The following ZBTB20 variants were observed in gnomAD, a reference collection of about 807,000 sequenced individuals.
ZBTB20 encodes the protein zinc finger and BTB domain containing 20.
ZBTB20 carries 9 observed loss-of-function variants against 56.9 expected under a neutral mutation model. The ratio of observed to expected loss-of-function variants is 0.16; its 90% CI spans 0.10 to 0.28. ZBTB20 has a LOEUF of 0.28. Ranked by LOEUF, ZBTB20 falls within the 10% of genes least tolerant of loss-of-function variation. The probability of loss-of-function intolerance (pLI) is 1.00; values close to 1 mark genes in which losing one functional copy is unlikely to be tolerated. For missense variants in ZBTB20, 655 were observed against 1,003.0 expected (o/e 0.65, Z 4.69); for synonymous variants, 417 against 420.7 (o/e 0.99, Z 0.11).
intron 2 of ZBTB20, among the ~76,000 whole-genome samples, chr3:115,069,776 T>C (rs2082339630): frequency 6.6e-6 from 1 of 151,998 alleles, no homozygotes; most frequent in East Asian, 1.9e-4. Flanking sequence ...ATAATGATGA[T>C]GGCTAACTTT....
At chr3:115,072,585 G>A (rs750891745) in intron 1 of ZBTB20, among the ~76,000 whole-genome samples, 3 of 152,136 alleles carry the variant, frequency 2.0e-5, no homozygotes, top group African/African-American at 4.8e-5. Context: ...AAGCTGCCTT[G>A]GATATCCATG....
chr3:114,551,177 G>A (rs913984363), intron 6 of ZBTB20, among the ~76,000 whole-genome samples: 2 of 152,010 alleles, frequency 1.3e-5, no homozygotes, highest in Non-Finnish European at 2.9e-5. Context: ...AAATATATTC[G>A]ATTGAATATA....
chr3:115,139,468 T>C (rs1251151323), intron 1 of ZBTB20, among the ~76,000 whole-genome samples: 2 of 152,064 alleles, frequency 1.3e-5, no homozygotes, highest in Non-Finnish European at 2.9e-5. Context: ...ACAGATTCTT[T>C]CCTAGTCAGA....
intron 3 of ZBTB20, among the ~76,000 whole-genome samples, chr3:114,942,453 CAT>C (rs1254609499): frequency 2.1e-5 from 3 of 145,310 alleles, no homozygotes; most frequent in Non-Finnish European, 4.4e-5. Context: ...GTATAAAACA[CAT>C]ATGGAAAAGG....
At chr3:114,373,125 A>G (rs2083229062) in intron 10 of ZBTB20, among the ~76,000 whole-genome samples, 1 of 152,116 alleles carries the variant, frequency 6.6e-6, no homozygotes, top group Non-Finnish European at 1.5e-5. Context: ...CCATTTGGCC[A>G]GGATGGTCTC....
At chr3:114,942,554 TAAG>T (rs1331253764) in intron 3 of ZBTB20, among the ~76,000 whole-genome samples, 2 of 145,602 alleles carry the variant, frequency 1.4e-5, no homozygotes, top group Non-Finnish European at 3.0e-5. Flanking sequence ...ATTAGCATCA[TAAG>T]AAGAACTCCA....
chr3:115,101,266 A>AAAT (rs2083573829), intron 1 of ZBTB20, among the ~76,000 whole-genome samples: 2 of 152,240 alleles, frequency 1.3e-5, no homozygotes, highest in Non-Finnish European at 2.9e-5. Flanking sequence ...TAGGAGGGAA[A>AAAT]AATAAAAATA....
chr3:114,801,305 CTTTTTTT>C (rs1271102943), intron 4 of ZBTB20, 131 bp from the exon 5 acceptor site: 1 of 55,328 alleles, frequency 1.8e-5, no homozygotes, highest in South Asian at 5.3e-4. Flanking sequence ...TTCTTTTTTT[CTTTTTTT>C]TTTTTTTTTC....
At chr3:115,020,734 A>C (rs1319302641) in intron 2 of ZBTB20, among the ~76,000 whole-genome samples, 2 of 151,022 alleles carry the variant, frequency 1.3e-5, no homozygotes, top group African/African-American at 4.8e-5. Context: ...AACATATTGT[A>C]CATATACTCT....
At chr3:114,777,934 T>A (rs1263589769) in intron 5 of ZBTB20, among the ~76,000 whole-genome samples, 2 of 151,952 alleles carry the variant, frequency 1.3e-5, no homozygotes, top group East Asian at 3.9e-4. Flanking sequence ...GATGAGTTCA[T>A]GTCCTTTGTA....
At chr3:114,413,734 C>A (rs564270325) in intron 7 of ZBTB20, among the ~76,000 whole-genome samples, 102 of 152,236 alleles carry the variant, frequency 6.7e-4, no homozygotes, top group Non-Finnish European at 1.2e-3. Context: ...TATTATGCCA[C>A]TCCTTCTCTG....
intron 4 of ZBTB20, among the ~76,000 whole-genome samples, chr3:114,866,952 T>C (rs1019105607): frequency 6.6e-6 from 1 of 152,212 alleles, no homozygotes; most frequent in Non-Finnish European, 1.5e-5. Context: ...ATCTCTTCTA[T>C]ACAGGTATAC....
chr3:114,837,639 CA>C (rs764802230), intron 4 of ZBTB20, among the ~76,000 whole-genome samples: 7 of 152,014 alleles, frequency 4.6e-5, no homozygotes, highest in Non-Finnish European at 1.0e-4. Context: ...TCAGGGAGAG[CA>C]ATCCGGGAGA....
intron 1 of ZBTB20, among the ~76,000 whole-genome samples, chr3:115,112,131 T>C (rs1353539279): frequency 6.6e-6 from 1 of 151,762 alleles, no homozygotes; most frequent in African/African-American, 2.4e-5. Context: ...CATGTTTGGG[T>C]GTGTATTTTC....
chr3:114,663,128 C>A (rs2060836568), intron 6 of ZBTB20, among the ~76,000 whole-genome samples: 1 of 148,614 alleles, frequency 6.7e-6, no homozygotes, highest in South Asian at 2.2e-4. Flanking sequence ...ATGTTAAGGG[C>A]AGCCAGAGAG....
intron 1 of ZBTB20, among the ~76,000 whole-genome samples, chr3:115,079,202 C>T (rs753547208): frequency 2.5e-4 from 38 of 152,142 alleles, no homozygotes; most frequent in Non-Finnish European, 5.3e-4. Context: ...AGAATCAACA[C>T]ACTGTATGAA....
At chr3:114,794,879 G>A (rs1165987843) in intron 5 of ZBTB20, among the ~76,000 whole-genome samples, 2 of 152,000 alleles carry the variant, frequency 1.3e-5, no homozygotes, top group Non-Finnish European at 2.9e-5. Context: ...GCCTCCAGGT[G>A]CCCGGTCATT....
intron 8 of ZBTB20, chr3:114,387,787 G>A (rs553227259): frequency 6.6e-6 from 1 of 152,326 alleles, no homozygotes; most frequent in South Asian, 2.1e-4. Context: ...TAAGTTCCTT[G>A]TGTGGGTGTG....
Position 114,756,760 on chromosome 3 carries a change from C to T in ZBTB20, c.-343+44341G>A, listed in dbSNP as rs151185429. The stretch of plus-strand genomic sequence containing the variant: ...CAGTCTCAGTCTGATTCTAGTAAAA[C>T]TCAGGTAATGTGGAAGAACTCTAAT... On this transcript the variant is annotated intron_variant, in intron 5 of 11. Transcript: ENST00000675478. Among the ~76,000 whole-genome samples the T allele has an allele frequency of 9.9e-5, 15 of 152,228 alleles. No individual in the cohort carries two copies. In the East Asian group the frequency reaches 2.7e-3, roughly 27 times the overall value.
Sources: gnomAD v4.1 joint callset for allele counts (sites outside exome capture counted in the v4.1 genomes callset) on GRCh38, gnomAD v4.1.1 for gene constraint, MANE v1.5 for transcripts, NCBI Gene and HGNC (gene_info 2026-07-23, HGNC 2026-07-21) for gene names.